The following GDAP1 variants were observed in gnomAD, a reference collection of about 807,000 sequenced individuals.
The protein encoded by GDAP1 is ganglioside induced differentiation associated protein 1, also known as ganglioside-induced differentiation-associated protein 1.
Under a neutral mutation model 40.1 loss-of-function variants are expected in GDAP1, and 34 were observed. The observed-to-expected ratio is 0.85, with a 90% CI of 0.64 to 1.13. The LOEUF (loss-of-function observed/expected upper bound fraction) is 1.13. Ranked by LOEUF, GDAP1 falls within the 50% of genes most tolerant of loss-of-function variation. GDAP1 has a pLI of 0.00. For synonymous variants in GDAP1, 170 were observed against 157.4 expected (o/e 1.08, Z -0.60); for missense variants, 374 against 433.7 (o/e 0.86, Z 1.22).
chr8:74,409,302 C>T lies in GDAP1; in HGVS notation c.165+57981C>T, dbSNP rs112508502. On this transcript the variant is annotated intron_variant, in intron 2 of 2. Coordinates refer to the GDAP1 transcript ENST00000523640. ...GTTTCTTTTGAATAAACATAGAAAT[C>T]AGTTTTTCTGATCTTGAAACTTGAG... is the stretch of plus-strand genomic sequence containing the variant. Among the ~76,000 whole-genome samples the T allele has an allele frequency of 4.7e-5, 7 of 149,810 alleles. 1 individual carries two copies. The highest frequency in any genetic ancestry group is 1.8e-4 in the African/African-American group (7 of 39,274).
intron 2 of GDAP1, among the ~76,000 whole-genome samples, chr8:74,469,751 G>A (rs1806522815): frequency 6.6e-6 from 1 of 151,808 alleles, no homozygotes; most frequent in African/African-American, 2.4e-5. Context: ...TGAGGTGGGC[G>A]GATCACCTGA....
At position 74,365,364 on chromosome 8, in the gene GDAP1, A is replaced by C. The variant is rs1809575030; in HGVS notation, c.*997A>C. The C allele has an allele frequency of 2.2e-6, 1 of 453,956 alleles. No homozygotes were observed. Among genetic ancestry groups the C allele is most frequent in the Non-Finnish European group, 4.4e-6 (1 of 226,772 alleles). 28.1% of individuals were successfully genotyped at this position (453,956 alleles called of 1,614,324 possible). A position where few individuals can be genotyped will look rare whatever the true frequency, so the allele number is the denominator to read the frequency against. On this transcript the variant is annotated 3_prime_UTR_variant, in exon 6 of 6. Coordinates refer to ENST00000220822, the MANE Select transcript of GDAP1 (RefSeq NM_018972.4). ...TAGGGAAGATGAATTAAATGGGTAG[A>C]TAGTGATGCATACCTGTATTCACTG...
At chr8:74,405,378 A>T (rs568179633) in intron 2 of GDAP1, among the ~76,000 whole-genome samples, 3 of 150,208 alleles carry the variant, frequency 2.0e-5, no homozygotes, top group Non-Finnish European at 4.4e-5. Flanking sequence ...ATTATACTGT[A>T]TTGTTTAGGG....
In GDAP1 at chr8:74,388,147, T is replaced by C. The variant is rs1810053044; in HGVS notation, c.165+36826T>C. ...CCAGCTCCTGGATTCATTGATTCTTTGAAGGGTTTTTCGTGTCTCTCTCTC... is the reference window on the plus strand; with the variant it reads ...CCAGCTCCTGGATTCATTGATTCTTCGAAGGGTTTTTCGTGTCTCTCTCTC... On this transcript the variant is annotated intron_variant, in intron 2 of 2. Transcript: ENST00000523640. Among the ~76,000 whole-genome samples the C allele has an allele frequency of 2.6e-5, 4 of 152,310 alleles. No individual in the cohort carries two copies. In the South Asian group the frequency reaches 8.3e-4, roughly 32 times the overall value.
chr8:74,422,190 CTCTT>C (rs200199836), intron 2 of GDAP1, among the ~76,000 whole-genome samples: 6,334 of 145,870 alleles, frequency 0.043, 201 homozygotes, highest in East Asian at 0.099. Context: ...TTTCTTTTTT[CTCTT>C]TCTTCTTTCT....
chr8:74,449,962 A>G (rs146458616), intron 2 of GDAP1, among the ~76,000 whole-genome samples: 3 of 152,014 alleles, frequency 2.0e-5, no homozygotes, highest in African/African-American at 7.2e-5. Flanking sequence ...AAACAATTTT[A>G]GAAATTTCTA....
intron 2 of GDAP1, among the ~76,000 whole-genome samples, chr8:74,400,739 G>T (rs1810314659): frequency 6.7e-6 from 1 of 149,352 alleles, no homozygotes; most frequent in African/African-American, 2.6e-5. Flanking sequence ...CTCTTTTAGG[G>T]CAGGCCTGGT....
intron 2 of GDAP1, among the ~76,000 whole-genome samples, chr8:74,481,093 A>G (rs1273908297): frequency 1.3e-5 from 2 of 152,236 alleles, no homozygotes; most frequent in Non-Finnish European, 2.9e-5. Flanking sequence ...GGGAGCTAAT[A>G]TTACCATTTT....
At chr8:74,381,059 T>C (rs1212983319) in intron 2 of GDAP1, among the ~76,000 whole-genome samples, 1 of 146,178 alleles carries the variant, frequency 6.8e-6, no homozygotes, top group Non-Finnish European at 1.5e-5. Context: ...GATGAAGAAA[T>C]GTGGGGGTGA....
At chr8:74,480,732 G>T (rs1806700293) in intron 2 of GDAP1, among the ~76,000 whole-genome samples, 1 of 152,122 alleles carries the variant, frequency 6.6e-6, no homozygotes, top group Admixed American at 6.5e-5. Flanking sequence ...AAATAATCTT[G>T]TCCTAGATAA....
At chr8:74,453,395 A>G (rs1298439320) in intron 2 of GDAP1, among the ~76,000 whole-genome samples, 1 of 84,284 alleles carries the variant, frequency 1.2e-5, no homozygotes, top group African/African-American at 5.1e-5. Flanking sequence ...AAGCACTTAT[A>G]GAATCTAGCA....
intron 2 of GDAP1, among the ~76,000 whole-genome samples, chr8:74,379,586 AAAAATGATAGAAAGC>A (rs761702081): frequency 6.6e-6 from 1 of 152,222 alleles, no homozygotes; most frequent in Non-Finnish European, 1.5e-5. Context: ...TCCCATATGT[AAAAATGATAGAAAGC>A]AGTGTCTCTT....
At chr8:74,429,209 T>C (rs1288677788) in intron 2 of GDAP1, among the ~76,000 whole-genome samples, 1 of 152,166 alleles carries the variant, frequency 6.6e-6, no homozygotes, top group African/African-American at 2.4e-5. Context: ...GCATGATTTA[T>C]AATCCTTTGG....
intron 2 of GDAP1, among the ~76,000 whole-genome samples, chr8:74,472,804 C>A (rs1806576387): frequency 1.3e-5 from 2 of 151,382 alleles, no homozygotes; most frequent in Non-Finnish European, 2.9e-5. Flanking sequence ...GGCTGCAGGG[C>A]AGTGTTGTGA....
At chr8:74,376,214 A>G (rs1364205120) in intron 2 of GDAP1, among the ~76,000 whole-genome samples, 3 of 152,220 alleles carry the variant, frequency 2.0e-5, no homozygotes, top group Non-Finnish European at 2.9e-5. Context: ...ATGAAGTGCC[A>G]ATCACCATTA....
At position 74,365,301 on chromosome 8, in the gene GDAP1, T is replaced by TTA. The variant is rs368736368; in HGVS notation, c.*934_*935insTA. On this transcript the variant is annotated 3_prime_UTR_variant, in exon 6 of 6. Coordinates refer to ENST00000220822, the MANE Select transcript of GDAP1 (RefSeq NM_018972.4). ...CTGTTTATGATCATCAACAAAGACT[T>TTA]GTTAGAAAGGTCTAGTCTTAGCACT... The TTA allele has an allele frequency of 1.5e-5, 7 of 454,006 alleles. No individual in the cohort carries two copies. Among genetic ancestry groups the TTA allele is most frequent in the African/African-American group, 6.0e-5 (3 of 50,008 alleles). 28.1% of individuals were successfully genotyped at this position (454,006 alleles called of 1,614,324 possible).
chr8:74,487,822 TC>T, intron 2 of GDAP1, among the ~76,000 whole-genome samples: 1 of 152,280 alleles, frequency 6.6e-6, no homozygotes, highest in East Asian at 1.9e-4. Flanking sequence ...AGGAAAGGCA[TC>T]CATCCTGCCA....
chr8:74,431,988 A>G (rs1806032518), intron 2 of GDAP1, among the ~76,000 whole-genome samples: 1 of 152,188 alleles, frequency 6.6e-6, no homozygotes, highest in South Asian at 2.1e-4. Context: ...TTTTGTGTGA[A>G]GTATTTGGAG....
chr8:74,410,010 C>G (rs1170282418), intron 2 of GDAP1, among the ~76,000 whole-genome samples: 1 of 149,978 alleles, frequency 6.7e-6, no homozygotes, highest in Non-Finnish European at 1.5e-5. Flanking sequence ...AGCAGCAGGA[C>G]CTAGACTGAA....
Sources: allele counts gnomAD v4.1 joint callset (sites outside exome capture counted in the v4.1 genomes callset), GRCh38; gene constraint gnomAD v4.1.1; transcripts MANE v1.5; gene names NCBI Gene and HGNC (gene_info 2026-07-23, HGNC 2026-07-21).